Variants in CNBD1 observed in about 807,000 individuals in gnomAD.
CNBD1 encodes cyclic nucleotide-binding domain-containing protein 1.
Under a neutral mutation model 54.4 loss-of-function variants are expected in CNBD1, and 71 were observed. That is an observed-to-expected ratio of 1.30 (90% CI 1.08 to 1.59). The LOEUF (loss-of-function observed/expected upper bound fraction) is 1.59. Among genes scored for constraint, CNBD1 ranks in the 40% most tolerant of loss-of-function variants. CNBD1 has a pLI of 0.00. For synonymous variants in CNBD1, 182 were observed against 170.7 expected (o/e 1.07, Z -0.51); for missense variants, 659 against 518.0 (o/e 1.27, Z -2.64).
At chr8:87,118,655 G>A (rs1339505272) in intron 4 of CNBD1, among the ~76,000 whole-genome samples, 1 of 152,122 alleles carries the variant, frequency 6.6e-6, no homozygotes, top group Non-Finnish European at 1.5e-5. Flanking sequence ...TTTGTGCTGA[G>A]TGAAGGTACC....
chr8:87,315,460 G>T (rs1422735279), intron 8 of CNBD1, among the ~76,000 whole-genome samples: 1 of 151,928 alleles, frequency 6.6e-6, no homozygotes, highest in Non-Finnish European at 1.5e-5. Context: ...TTCTGGTGAG[G>T]ACCTCAGGTT....
chr8:87,293,394 A>G (rs975690198), intron 8 of CNBD1, among the ~76,000 whole-genome samples: 1 of 152,092 alleles, frequency 6.6e-6, no homozygotes, highest in African/African-American at 2.4e-5. Context: ...AAGAACAAAA[A>G]TTAGCCAGGC....
At position 87,236,909 on chromosome 8, in the gene CNBD1, T is replaced by C. The variant is rs1372046562; in HGVS notation, c.578-10T>C. 1.3e-6 allele frequency: 2 copies of C among 1,578,438 alleles called. No homozygotes were observed. Among genetic ancestry groups the C allele is most frequent in the East Asian group, 2.3e-5 (1 of 44,436 alleles). ...ACACAGTATATATTTTTTGGCTTTG[T>C]TTTTTTCAGTGGTTGCAAATGATGG... On this transcript the variant is annotated splice_polypyrimidine_tract_variant and intron_variant, in intron 5 of 10. Transcript: ENST00000518476.
At chr8:87,370,550 C>A (rs1286823160) in intron 10 of CNBD1, among the ~76,000 whole-genome samples, 1 of 152,042 alleles carries the variant, frequency 6.6e-6, no homozygotes, top group Non-Finnish European at 1.5e-5. Flanking sequence ...TGTTCATGTC[C>A]TTTGCCCACT....
At chr8:87,198,273 C>A (rs1157663359) in intron 4 of CNBD1, among the ~76,000 whole-genome samples, 1 of 152,182 alleles carries the variant, frequency 6.6e-6, no homozygotes, top group East Asian at 1.9e-4. Flanking sequence ...GAACTCCTCA[C>A]AAAGCTCCAC....
At chr8:87,296,586 T>C (rs902833532) in intron 8 of CNBD1, among the ~76,000 whole-genome samples, 7 of 148,552 alleles carry the variant, frequency 4.7e-5, no homozygotes, top group Non-Finnish European at 8.9e-5. Flanking sequence ...AGTATCTATA[T>C]ATATGTCTAT....
intron 4 of CNBD1, among the ~76,000 whole-genome samples, chr8:87,131,056 T>C (rs1812108386): frequency 6.6e-6 from 1 of 152,082 alleles, no homozygotes; most frequent in Admixed American, 6.6e-5. Flanking sequence ...ATTCTTTTCC[T>C]TTTAATCTAT....
chr8:87,087,824 C>T (rs1425926726), intron 4 of CNBD1, among the ~76,000 whole-genome samples: 1 of 152,184 alleles, frequency 6.6e-6, no homozygotes, highest in East Asian at 1.9e-4. Flanking sequence ...TGAGAGATCA[C>T]TGAGTTTACC....
At chr8:87,348,527 T>C (rs529738512) in intron 8 of CNBD1, among the ~76,000 whole-genome samples, 1 of 152,310 alleles carries the variant, frequency 6.6e-6, no homozygotes, top group Admixed American at 6.5e-5. Flanking sequence ...TTTTCTTCCT[T>C]TAGTAGTCTA....
intron 2 of CNBD1, among the ~76,000 whole-genome samples, chr8:87,414,789 GA>G (rs1807809443): frequency 1.0e-5 from 1 of 98,970 alleles, no homozygotes; most frequent in East Asian, 2.1e-4. Context: ...ATTTAAAAAG[GA>G]TTTTTTTTAC....
At chr8:87,340,928 C>T (rs1772186660) in intron 8 of CNBD1, among the ~76,000 whole-genome samples, 1 of 151,834 alleles carries the variant, frequency 6.6e-6, no homozygotes, top group Non-Finnish European at 1.5e-5. Flanking sequence ...TATCTTGATT[C>T]ATCAGTTTTC....
chr8:87,406,268 T>C (rs966623891), intron 2 of CNBD1, among the ~76,000 whole-genome samples: 2 of 152,098 alleles, frequency 1.3e-5, no homozygotes. Context: ...TAGTATGATA[T>C]TATTTTTGGT....
Position 87,353,731 on chromosome 8 carries a change from A to C in CNBD1, c.1248A>C (p.Thr416=). ...TTCTTCAAGTTCCTTTCACGTGCAC[A>C]ATCATTACCAAAAAAGAAGTTGAGA... ...SVLLQVPFTC[T]IITKKEVEMA... Residue 416 remains threonine (T), a synonymous_variant, in exon 10 of 11, where the codon ACA becomes ACC. Coordinates refer to ENST00000518476, the MANE Select transcript of CNBD1 (RefSeq NM_173538.3). 6.2e-7 allele frequency: 1 copy of C among 1,611,768 alleles called. No homozygotes were observed. Among genetic ancestry groups the C allele is most frequent in the Non-Finnish European group, 8.5e-7 (1 of 1,178,860 alleles).
At chr8:87,313,380 A>G (rs1360596640) in intron 8 of CNBD1, among the ~76,000 whole-genome samples, 1 of 152,056 alleles carries the variant, frequency 6.6e-6, no homozygotes, top group Non-Finnish European at 1.5e-5. Context: ...AGTATTTTAC[A>G]CAGAACAATT....
chr8:87,334,882 C>A (rs949338157), intron 8 of CNBD1, among the ~76,000 whole-genome samples: 2 of 151,948 alleles, frequency 1.3e-5, no homozygotes, highest in African/African-American at 2.4e-5. Flanking sequence ...CACCACCATG[C>A]CCAGCTAATT....
At chr8:87,006,690 T>G (rs1586193910) in intron 4 of CNBD1, among the ~76,000 whole-genome samples, 1 of 152,256 alleles carries the variant, frequency 6.6e-6, no homozygotes, top group Middle Eastern at 3.4e-3. Context: ...CAGGCCTCAC[T>G]TCCGGCATTA....
chr8:87,189,967 A>T (rs1813563140), intron 4 of CNBD1, among the ~76,000 whole-genome samples: 1 of 152,198 alleles, frequency 6.6e-6, no homozygotes, highest in South Asian at 2.1e-4. Flanking sequence ...GGAAAAAGGG[A>T]TACATAGAAA....
chr8:87,390,712 A>G (rs1235314194), intron 2 of CNBD1, among the ~76,000 whole-genome samples: 1 of 152,110 alleles, frequency 6.6e-6, no homozygotes, highest in Non-Finnish European at 1.5e-5. Flanking sequence ...AACTAGAAAT[A>G]CCATTTGACC....
At chr8:87,276,998 C>T (rs7846101) in intron 6 of CNBD1, among the ~76,000 whole-genome samples, 42,407 of 150,524 alleles carry the variant, frequency 0.28, 6,383 homozygotes, top group African/African-American at 0.39. Flanking sequence ...TTTTGAAATA[C>T]ACATCTGGTT....
Sources: gnomAD v4.1 joint callset for allele counts (sites outside exome capture counted in the v4.1 genomes callset) on GRCh38, gnomAD v4.1.1 for gene constraint, MANE v1.5 for transcripts, NCBI Gene and HGNC (gene_info 2026-07-23, HGNC 2026-07-21) for gene names.